Variants in EPM2A observed in about 807,000 individuals in gnomAD.
The protein encoded by EPM2A is laforin.
In EPM2A, 21 loss-of-function variants were observed where a neutral mutation model predicts 26.5. The observed-to-expected ratio is 0.79, with a 90% CI of 0.56 to 1.14. The LOEUF is 1.14. Among genes scored for constraint, EPM2A ranks in the 50% most tolerant of loss-of-function variants. EPM2A has a pLI of 0.00. For missense variants in EPM2A, 458 were observed against 440.8 expected (o/e 1.04, Z -0.35); for synonymous variants, 217 against 177.6 (o/e 1.22, Z -1.76).
At position 145,635,637 on chromosome 6, in the gene EPM2A, T is replaced by C. The variant is rs1776606603; in HGVS notation, c.477-151A>G. On this transcript the variant is annotated intron_variant, in intron 2 of 3. Coordinates refer to ENST00000367519, the MANE Select transcript of EPM2A (RefSeq NM_005670.4). ...TTTTAGAATATGAACACCAATGTTA[T>C]TATTGAAAGAAAAAGTACTGGTGTT... The C allele has an allele frequency of 1.1e-5, 8 of 733,204 alleles. No homozygotes were observed. The South Asian group carries it at 1.4e-4, about 13-fold the overall frequency. 45.4% of individuals were successfully genotyped at this position (733,204 alleles called of 1,614,324 possible). A position where few individuals can be genotyped will look rare whatever the true frequency, so the allele number is the denominator to read the frequency against.
intron 2 of EPM2A, among the ~76,000 whole-genome samples, chr6:145,683,075 T>C (rs915671614): frequency 1.3e-5 from 2 of 152,164 alleles, no homozygotes; most frequent in Non-Finnish European, 2.9e-5. Context: ...CTGACTCTTT[T>C]CTTTTAAACT....
intron 2 of EPM2A, among the ~76,000 whole-genome samples, chr6:145,507,283 A>T (rs1376189614): frequency 1.3e-5 from 2 of 152,234 alleles, no homozygotes; most frequent in Admixed American, 1.3e-4. Context: ...AATAGTGTGT[A>T]AAAATCAACT....
intron 2 of EPM2A, among the ~76,000 whole-genome samples, chr6:145,543,511 T>C (rs1309244527): frequency 1.3e-5 from 2 of 152,066 alleles, no homozygotes; most frequent in African/African-American, 4.8e-5. Flanking sequence ...ACAATTAATT[T>C]TGGTAGAACT....
intron 2 of EPM2A, among the ~76,000 whole-genome samples, chr6:145,560,053 G>A (rs1246144704): frequency 6.6e-6 from 1 of 152,082 alleles, no homozygotes; most frequent in Non-Finnish European, 1.5e-5. Flanking sequence ...CATTCAGCCA[G>A]GTTCTTCTTC....
downstream of EPM2A, among the ~76,000 whole-genome samples, chr6:145,623,957 T>C (rs1415612284): frequency 1.3e-5 from 2 of 152,182 alleles, no homozygotes; most frequent in Non-Finnish European, 2.9e-5. Flanking sequence ...TTTCCATTAA[T>C]GGAATCAGGG....
intron 2 of EPM2A, among the ~76,000 whole-genome samples, chr6:145,575,658 T>A (rs1781020956): frequency 6.6e-6 from 1 of 152,174 alleles, no homozygotes. Flanking sequence ...ATAGAGTCAC[T>A]AAACTCCTTG....
chr6:145,588,882 A>T (rs1781233451), intron 2 of EPM2A, among the ~76,000 whole-genome samples: 1 of 152,196 alleles, frequency 6.6e-6, no homozygotes, highest in African/African-American at 2.4e-5. Flanking sequence ...TGAGCAGGGG[A>T]ACTTTACTAT....
At chr6:145,635,553 A>G in intron 2 of EPM2A, 67 bp from the exon 3 acceptor site, 1 of 1,489,834 alleles carries the variant, frequency 6.7e-7, no homozygotes, top group Admixed American at 1.7e-5. Flanking sequence ...GGAGCTGCAT[A>G]AAACATGTAG....
chr6:145,583,504 C>T (rs1286648098), intron 2 of EPM2A, among the ~76,000 whole-genome samples: 1 of 152,102 alleles, frequency 6.6e-6, no homozygotes, highest in Admixed American at 6.6e-5. Context: ...GTTCTCTGCC[C>T]CCTCGAGGTT....
At chr6:145,657,499 TCTCA>T (rs1778385290) in intron 2 of EPM2A, among the ~76,000 whole-genome samples, 2 of 152,242 alleles carry the variant, frequency 1.3e-5, no homozygotes, top group South Asian at 2.1e-4. Flanking sequence ...CAGGATTTAT[TCTCA>T]CTATTAGATT....
chr6:145,623,119 T>C (rs1021856137), downstream of EPM2A, among the ~76,000 whole-genome samples: 8 of 152,220 alleles, frequency 5.3e-5, no homozygotes, highest in African/African-American at 1.9e-4. Context: ...TTCACTCATT[T>C]AACTATGTCA....
intron 2 of EPM2A, among the ~76,000 whole-genome samples, chr6:145,662,231 G>C (rs1778770865): frequency 6.6e-6 from 1 of 152,012 alleles, no homozygotes; most frequent in African/African-American, 2.4e-5. Context: ...CATACAAGTA[G>C]CTATATAAAT....
chr6:145,516,064 G>C (rs1780122062), intron 2 of EPM2A, among the ~76,000 whole-genome samples: 1 of 152,158 alleles, frequency 6.6e-6, no homozygotes, highest in South Asian at 2.1e-4. Context: ...GTTGGTAACT[G>C]TCCTTCTCAA....
chr6:145,569,339 A>G (rs1361811304), intron 2 of EPM2A, among the ~76,000 whole-genome samples: 1 of 152,250 alleles, frequency 6.6e-6, no homozygotes, highest in Non-Finnish European at 1.5e-5. Context: ...GAGTACATTC[A>G]TAACAGTACA....
intron 2 of EPM2A, among the ~76,000 whole-genome samples, chr6:145,600,235 T>C (rs1202078735): frequency 6.6e-6 from 1 of 152,214 alleles, no homozygotes; most frequent in Non-Finnish European, 1.5e-5. Context: ...TCATCTTCTC[T>C]GTATTTATTG....
chr6:145,735,026 C>T, intron 1 of EPM2A, 172 bp downstream of exon 1: 1 of 382,294 alleles, frequency 2.6e-6, no homozygotes, highest in East Asian at 4.3e-5. Context: ...GACAGCGTGG[C>T]CGGCAGAGCA....
intron 1 of EPM2A, chr6:145,722,803 T>C (rs1224308747): frequency 2.2e-6 from 1 of 445,430 alleles, no homozygotes; most frequent in Non-Finnish European, 4.5e-6. Flanking sequence ...AGAAGAAATT[T>C]GGGCACAGAG....
At chr6:145,561,590 C>G (rs766360401) in intron 2 of EPM2A, among the ~76,000 whole-genome samples, 40 of 152,080 alleles carry the variant, frequency 2.6e-4, no homozygotes, top group Non-Finnish European at 5.1e-4. Context: ...AAATGATAGC[C>G]ATGAGTCAGG....
chr6:145,652,895 C>G (rs954252552), intron 2 of EPM2A, among the ~76,000 whole-genome samples: 2 of 152,062 alleles, frequency 1.3e-5, no homozygotes, highest in Non-Finnish European at 2.9e-5. Flanking sequence ...AGATGACCAG[C>G]CTACCTCTTT....
Sources: gnomAD v4.1 joint callset for allele counts (sites outside exome capture counted in the v4.1 genomes callset) on GRCh38, gnomAD v4.1.1 for gene constraint, MANE v1.5 for transcripts, NCBI Gene and HGNC (gene_info 2026-07-23, HGNC 2026-07-21) for gene names.